The following ZMAT4 variants were observed in gnomAD, a reference collection of about 807,000 sequenced individuals.
The protein encoded by ZMAT4 is zinc finger matrin-type 4, also known as zinc finger matrin-type protein 4.
ZMAT4 carries 17 observed loss-of-function variants against 28.7 expected under a neutral mutation model. The observed-to-expected ratio is 0.59, with a 90% CI of 0.41 to 0.89. The LOEUF is 0.89. ZMAT4 is among the 40% of genes least tolerant of loss of function. The probability of loss-of-function intolerance (pLI) is 0.00; values close to 1 mark genes in which losing one functional copy is unlikely to be tolerated. For synonymous variants in ZMAT4, 117 were observed against 109.2 expected, an observed-to-expected ratio of 1.07 and a Z score of -0.44; for missense variants, 240 against 283.8, an observed-to-expected ratio of 0.85 and a Z score of 1.11.
At chr8:40,713,341 T>G (rs1035461384) in intron 3 of ZMAT4, among the ~76,000 whole-genome samples, 14 of 152,010 alleles carry the variant, frequency 9.2e-5, no homozygotes, top group Non-Finnish European at 2.1e-4. Context: ...AGCCTTACAT[T>G]GAAAACAGTT....
chr8:40,560,993 G>A (rs1166401016), intron 6 of ZMAT4, among the ~76,000 whole-genome samples: 1 of 152,056 alleles, frequency 6.6e-6, no homozygotes, highest in Non-Finnish European at 1.5e-5. Flanking sequence ...TTACTTAGTA[G>A]AGATTTACCT....
chr8:40,655,359 G>T (rs1206234151), intron 5 of ZMAT4, among the ~76,000 whole-genome samples: 1 of 151,942 alleles, frequency 6.6e-6, no homozygotes, highest in Non-Finnish European at 1.5e-5. Context: ...GCTTAATATT[G>T]CTGAAATGGC....
chr8:40,671,464 A>G (rs1808664094), intron 5 of ZMAT4, among the ~76,000 whole-genome samples: 1 of 152,232 alleles, frequency 6.6e-6, no homozygotes, highest in Non-Finnish European at 1.5e-5. Context: ...ATTTTTGTGT[A>G]TAGAATACTA....
intron 1 of ZMAT4, among the ~76,000 whole-genome samples, chr8:40,872,706 T>G (rs1817905799): frequency 6.6e-6 from 1 of 151,986 alleles, no homozygotes; most frequent in Non-Finnish European, 1.5e-5. Context: ...ACATTCTGGG[T>G]GCTTAGAATT....
At chr8:40,704,675 A>G (rs1194881881) in intron 3 of ZMAT4, among the ~76,000 whole-genome samples, 1 of 152,222 alleles carries the variant, frequency 6.6e-6, no homozygotes, top group Non-Finnish European at 1.5e-5. Flanking sequence ...TATAAAACAG[A>G]CTTGATAAAC....
chr8:40,859,812 G>C (rs78646501), intron 1 of ZMAT4, among the ~76,000 whole-genome samples: 7 of 152,174 alleles, frequency 4.6e-5, no homozygotes, highest in African/African-American at 1.7e-4. Flanking sequence ...AAAAAAGGCA[G>C]GAGAGGTCAC....
At chr8:40,576,327 A>C (rs905852261) in intron 6 of ZMAT4, among the ~76,000 whole-genome samples, 1 of 152,070 alleles carries the variant, frequency 6.6e-6, no homozygotes, top group Non-Finnish European at 1.5e-5. Flanking sequence ...AAAGTTCCCA[A>C]GTAGATTAAA....
intron 6 of ZMAT4, among the ~76,000 whole-genome samples, chr8:40,579,151 A>G (rs955801039): frequency 2.0e-5 from 3 of 152,218 alleles, no homozygotes; most frequent in Admixed American, 2.0e-4. Context: ...ATGAAGTTAT[A>G]TATGTACAGA....
chr8:40,684,913 C>T (rs750415970), intron 4 of ZMAT4, among the ~76,000 whole-genome samples: 41 of 152,044 alleles, frequency 2.7e-4, no homozygotes, highest in South Asian at 2.5e-3. Context: ...AAAAAAGGGA[C>T]CTCATGGTTT....
intron 1 of ZMAT4, among the ~76,000 whole-genome samples, chr8:40,896,918 G>T (rs2150675943): frequency 6.6e-6 from 1 of 151,810 alleles, no homozygotes; most frequent in East Asian, 1.9e-4. Context: ...GGGGACAAGG[G>T]TGTAAGCTTC....
chr8:40,773,527 A>C (rs1312545313), intron 2 of ZMAT4, among the ~76,000 whole-genome samples: 1 of 152,242 alleles, frequency 6.6e-6, no homozygotes, highest in Non-Finnish European at 1.5e-5. Flanking sequence ...AAACTGTGAA[A>C]AAAATATGAA....
chr8:40,578,015 G>A (rs940787791), intron 6 of ZMAT4, among the ~76,000 whole-genome samples: 4 of 152,032 alleles, frequency 2.6e-5, no homozygotes, highest in African/African-American at 9.7e-5. Context: ...ATTTTTTGAG[G>A]AAGTTGACAA....
intron 6 of ZMAT4, among the ~76,000 whole-genome samples, chr8:40,571,378 C>T (rs1487821277): frequency 3.3e-5 from 5 of 152,078 alleles, no homozygotes; most frequent in Non-Finnish European, 7.4e-5. Context: ...CAGTCTTTTT[C>T]GGCATCTCTG....
intron 3 of ZMAT4, among the ~76,000 whole-genome samples, chr8:40,710,461 A>C (rs942593370): frequency 1.3e-5 from 2 of 152,168 alleles, no homozygotes; most frequent in African/African-American, 4.8e-5. Flanking sequence ...TGTTAGTATA[A>C]ACCCTTGAGA....
intron 5 of ZMAT4, among the ~76,000 whole-genome samples, chr8:40,658,395 G>C (rs150967868): frequency 6.6e-6 from 1 of 151,990 alleles, no homozygotes; most frequent in Admixed American, 6.6e-5. Flanking sequence ...TTTGAAAGCC[G>C]GCAGCAAACT....
chr8:40,622,248 C>G (rs1465823931), intron 5 of ZMAT4, among the ~76,000 whole-genome samples: 1 of 152,164 alleles, frequency 6.6e-6, no homozygotes, highest in African/African-American at 2.4e-5. Context: ...GGGGTTTATA[C>G]TTTACTTGTA....
chr8:40,876,512 C>G (rs775097882), intron 1 of ZMAT4, among the ~76,000 whole-genome samples: 1 of 151,822 alleles, frequency 6.6e-6, no homozygotes, highest in Non-Finnish European at 1.5e-5. Context: ...GATGAGGTCT[C>G]GCTGTGTTGC....
At chr8:40,876,123 G>A (rs1277938664) in intron 1 of ZMAT4, among the ~76,000 whole-genome samples, 1 of 152,092 alleles carries the variant, frequency 6.6e-6, no homozygotes, top group East Asian at 1.9e-4. Flanking sequence ...AAATACAGTT[G>A]ACCTTTGAAC....
intron 5 of ZMAT4, among the ~76,000 whole-genome samples, chr8:40,662,692 T>C (rs1808252219): frequency 6.6e-6 from 1 of 152,178 alleles, no homozygotes; most frequent in Admixed American, 6.5e-5. Flanking sequence ...ATCAATTACA[T>C]TTCTTGTTGG....
Sources: allele counts gnomAD v4.1 joint callset (sites outside exome capture counted in the v4.1 genomes callset), GRCh38; gene constraint gnomAD v4.1.1; transcripts MANE v1.5; gene names NCBI Gene and HGNC (gene_info 2026-07-23, HGNC 2026-07-21).